Variants in TMED5 observed in about 807,000 individuals in gnomAD.
TMED5 encodes the protein transmembrane emp24 domain-containing protein 5.
In TMED5, 27 loss-of-function variants were observed where a neutral mutation model predicts 23.0. The observed-to-expected ratio is 1.17, with a 90% CI of 0.86 to 1.62. TMED5 has a LOEUF of 1.62. Among genes scored for constraint, TMED5 ranks in the 40% most tolerant of loss-of-function variants. The probability of loss-of-function intolerance (pLI) is 0.00; values close to 1 mark genes in which losing one functional copy is unlikely to be tolerated. For missense variants in TMED5, 248 were observed against 273.7 expected (o/e 0.91, Z 0.66); for synonymous variants, 97 against 100.8 (o/e 0.96, Z 0.23).
At chr1:93,154,910 T>G in intron 3 of TMED5, 22 bp from the exon 4 acceptor site, 1 of 1,493,934 alleles carries the variant, frequency 6.7e-7, no homozygotes, top group Non-Finnish European at 9.2e-7. Context: ...TAAAATAATT[T>G]TATTATTAAA....
chr1:93,165,651 T>C (rs977103306), intron 1 of TMED5, among the ~76,000 whole-genome samples: 22 of 152,246 alleles, frequency 1.4e-4, no homozygotes, highest in African/African-American at 5.3e-4. Context: ...ATTAACCACA[T>C]AGTGTAAAAT....
In TMED5 at chr1:93,154,031, A is replaced by G. The variant is rs1226959888; in HGVS notation, c.*639T>C. On this transcript the variant is annotated 3_prime_UTR_variant, in exon 4 of 4. Coordinates refer to ENST00000370282, the MANE Select transcript of TMED5 (RefSeq NM_016040.5). ...TGTTTTTAAGAATCGTGAAAATGTC[A>G]GCTTTTGGGAATGTAAGCAAAGTAC... The G allele has an allele frequency of 6.6e-6, 1 of 152,564 alleles. No homozygotes were observed. Among genetic ancestry groups the G allele is most frequent in the East Asian group, 1.9e-4 (1 of 5,202 alleles). 9.5% of individuals were successfully genotyped at this position (152,564 alleles called of 1,614,324 possible). A position where few individuals can be genotyped will look rare whatever the true frequency, so the allele number is the denominator to read the frequency against.
chr1:93,171,366 G>A (rs1300405377), intron 1 of TMED5, among the ~76,000 whole-genome samples: 1 of 152,194 alleles, frequency 6.6e-6, no homozygotes, highest in African/African-American at 2.4e-5. Context: ...AGGGTCCGCG[G>A]CTTCATTCTT....
intron 2 of TMED5, among the ~76,000 whole-genome samples, chr1:93,158,557 A>G (rs887776156): frequency 5.9e-5 from 9 of 151,784 alleles, no homozygotes; most frequent in African/African-American, 1.9e-4. Flanking sequence ...CTGAAACTTA[A>G]AAGATGAACT....
chr1:93,166,613 A>AT (rs1034516428), intron 1 of TMED5, among the ~76,000 whole-genome samples: 16 of 148,050 alleles, frequency 1.1e-4, no homozygotes, highest in Non-Finnish European at 1.5e-4. Flanking sequence ...ATTAGATTAG[A>AT]TTTTTTTTCC....
rs982020044 is a variant in TMED5, at chr1:93,161,410, T to C, written c.190-1184A>G. 2.6e-5 allele frequency: 4 copies of C among 152,368 alleles called. No individual in the cohort carries two copies. The East Asian group carries it at 7.7e-4, about 29-fold the overall frequency. 9.4% of individuals were successfully genotyped at this position (152,368 alleles called of 1,614,324 possible). On this transcript the variant is annotated intron_variant, in intron 1 of 3. Transcript: ENST00000370282. ...AATAATTTTTAATAAGTATGCTGTG[T>C]TGCCTCTATTTCTGTTCCATTCTCC...
intron 1 of TMED5, among the ~76,000 whole-genome samples, chr1:93,174,124 ATTTTTGT>A (rs1648826929): frequency 6.6e-6 from 1 of 151,798 alleles, no homozygotes; most frequent in African/African-American, 2.4e-5. Flanking sequence ...CGCCCAGCTA[ATTTTTGT>A]TTTTTGTTTT....
Position 93,154,014 on chromosome 1 carries a change from A to G in TMED5, c.*656T>C, listed in dbSNP as rs1266502991. The G allele has an allele frequency of 6.6e-6, 1 of 152,588 alleles. No individual in the cohort carries two copies. Among genetic ancestry groups the G allele is most frequent in the African/African-American group, 2.4e-5 (1 of 41,454 alleles). The allele number at this position is 152,588 out of a possible 1,614,324, so 9.5% of individuals were successfully genotyped here. A position where few individuals can be genotyped will look rare whatever the true frequency, so the allele number is the denominator to read the frequency against. On this transcript the variant is annotated 3_prime_UTR_variant, in exon 4 of 4. Transcript: ENST00000370282. The stretch of plus-strand genomic sequence containing the variant: ...TAGTAAGTGTAACTTTGTGTTTTTA[A>G]GAATCGTGAAAATGTCAGCTTTTGG...
intron 1 of TMED5, among the ~76,000 whole-genome samples, chr1:93,177,255 A>G (rs1278917485): frequency 6.6e-6 from 1 of 152,160 alleles, no homozygotes; most frequent in African/African-American, 2.4e-5. Flanking sequence ...TTCCTTAATC[A>G]AAACAAATTG....
chr1:93,163,263 T>G (rs1303526738), intron 1 of TMED5: 2 of 151,910 alleles, frequency 1.3e-5, no homozygotes, highest in Non-Finnish European at 2.9e-5. Context: ...AAGCAGTTAT[T>G]GGTAGTGGCT....
chr1:93,156,145 C>T, intron 3 of TMED5, 155 bp downstream of exon 3: 2 of 1,133,236 alleles, frequency 1.8e-6, no homozygotes, highest in Non-Finnish European at 2.5e-6. Context: ...TAAAATTAAG[C>T]TGATACTTGA....
chr1:93,156,949 T>C (rs1304639801), intron 2 of TMED5, among the ~76,000 whole-genome samples: 1 of 152,080 alleles, frequency 6.6e-6, no homozygotes, highest in East Asian at 1.9e-4. Context: ...CCTGAAAATA[T>C]ATATGTTCAA....
At chr1:93,157,684 A>G (rs1330887028) in intron 2 of TMED5, among the ~76,000 whole-genome samples, 1 of 152,228 alleles carries the variant, frequency 6.6e-6, no homozygotes. Context: ...CCTGGGCAAC[A>G]TAGTGAGACC....
intron 1 of TMED5, among the ~76,000 whole-genome samples, chr1:93,176,754 C>T (rs1022882253): frequency 2.6e-5 from 4 of 152,178 alleles, no homozygotes; most frequent in African/African-American, 9.7e-5. Context: ...TGGTGTGAAA[C>T]GCCTGTGCTT....
rs1319287429 is a variant in TMED5, at chr1:93,154,685, C to T, written c.675G>A (p.Arg225=). Residue 225 remains arginine, a synonymous_variant, in exon 4 of 4, where the codon AGG becomes AGA. Transcript: ENST00000370282. ...GTTTGGAGTTTTAAGTTCTACTTTT[C>T]CTCTTATCTTCAAACAGACTCTTCA... ...YMLKSLFEDK[R]KSRT is the part of the protein sequence containing the mutation. 1.2e-6 allele frequency: 2 copies of T among 1,612,716 alleles called. No homozygotes were observed. Among genetic ancestry groups the T allele is most frequent in the South Asian group, 2.2e-5 (2 of 91,050 alleles).
Position 93,180,305 on chromosome 1 carries a change from C to T in TMED5, c.-63G>A. ...GTACTGTTGTCTCCGCTCCGCGTTT[C>T]CTCTCTGGACTCCTCGTGGTTGACA... On this transcript the variant is annotated 5_prime_UTR_variant, in exon 1 of 4. Transcript: ENST00000370282. 6.7e-7 allele frequency: 1 copy of T among 1,496,922 alleles called. No homozygotes were observed. 92.7% of individuals were successfully genotyped at this position (1,496,922 alleles called of 1,614,324 possible). A position where few individuals can be genotyped will look rare whatever the true frequency, so the allele number is the denominator to read the frequency against.
At chr1:93,168,724 A>G (rs1426451752) in intron 1 of TMED5, among the ~76,000 whole-genome samples, 1 of 152,122 alleles carries the variant, frequency 6.6e-6, no homozygotes, top group African/African-American at 2.4e-5. Flanking sequence ...AGTCCCAGCT[A>G]CTTGGGAGGC....
At chr1:93,179,964 C>A in intron 1 of TMED5, 90 bp downstream of exon 1, 1 of 1,377,364 alleles carries the variant, frequency 7.3e-7, no homozygotes, top group South Asian at 1.4e-5. Context: ...ACCACCAGGG[C>A]CGTCCACCAG....
chr1:93,166,569 G>A (rs1412711807), intron 1 of TMED5, among the ~76,000 whole-genome samples: 2 of 152,114 alleles, frequency 1.3e-5, no homozygotes, highest in Non-Finnish European at 2.9e-5. Context: ...CTTCTTTTGA[G>A]AAATGTCTAT....
Sources: gnomAD v4.1 joint callset for allele counts (sites outside exome capture counted in the v4.1 genomes callset) on GRCh38, gnomAD v4.1.1 for gene constraint, MANE v1.5 for transcripts, NCBI Gene and HGNC (gene_info 2026-07-23, HGNC 2026-07-21) for gene names.